NR6A1: variants seen among roughly 807,000 people sequenced by gnomAD.
NR6A1 encodes nuclear receptor subfamily 6 group A member 1.
Under a neutral mutation model 59.1 loss-of-function variants are expected in NR6A1, and 7 were observed. That is an observed-to-expected ratio of 0.12 (90% CI 0.07 to 0.22). NR6A1 has a LOEUF of 0.22. Among genes scored for constraint, NR6A1 ranks in the 10% least tolerant of loss-of-function variants. NR6A1 has a pLI of 1.00. For missense variants in NR6A1, 468 were observed against 611.6 expected (o/e 0.77, Z 2.48); for synonymous variants, 243 against 236.1 (o/e 1.03, Z -0.27).
At chr9:124,642,316 C>T (rs924813372) in intron 2 of NR6A1, among the ~76,000 whole-genome samples, 42 of 152,176 alleles carry the variant, frequency 2.8e-4, no homozygotes, top group African/African-American at 9.7e-4. Context: ...TCCCAAAGTG[C>T]TGGGATTACA....
chr9:124,739,333 G>A (rs1007012959), intron 1 of NR6A1, among the ~76,000 whole-genome samples: 26 of 152,206 alleles, frequency 1.7e-4, no homozygotes, highest in Non-Finnish European at 2.5e-4. Context: ...CAATTGTCAT[G>A]AGATTTGGTG....
rs574982502 is a variant in NR6A1, at chr9:124,651,886, A to C, written c.142+81422T>G. On this transcript the variant is annotated intron_variant, in intron 2 of 9. Coordinates refer to ENST00000487099, the MANE Select transcript of NR6A1 (RefSeq NM_033334.4). ...ACACAATTTGATCCTCTTCCCAAGTAGACATTGGCACCTGACCATTTCTGC... is the reference window on the plus strand; with the variant it reads ...ACACAATTTGATCCTCTTCCCAAGTCGACATTGGCACCTGACCATTTCTGC... Among the ~76,000 whole-genome samples the C allele has an allele frequency of 3.9e-5, 6 of 152,332 alleles. No homozygotes were observed. In the South Asian group the frequency reaches 1.2e-3, roughly 32 times the overall value.
intron 2 of NR6A1, among the ~76,000 whole-genome samples, chr9:124,637,752 T>C (rs2130893967): frequency 6.6e-6 from 1 of 151,804 alleles, no homozygotes; most frequent in Non-Finnish European, 1.5e-5. Flanking sequence ...ATTAGCCGGG[T>C]GTGTTGGCAC....
At chr9:124,643,012 C>T (rs1177788525) in intron 2 of NR6A1, among the ~76,000 whole-genome samples, 1 of 108,456 alleles carries the variant, frequency 9.2e-6, no homozygotes, top group Non-Finnish European at 1.9e-5. Flanking sequence ...AATCATTCTT[C>T]ATGTCTCTTG....
In NR6A1 at chr9:124,520,979, C is replaced by T. The variant is rs577089873; in HGVS notation, c.*1726G>A. The T allele has an allele frequency of 1.3e-5, 2 of 152,350 alleles. No individual in the cohort carries two copies. Among genetic ancestry groups the T allele is most frequent in the South Asian group, 2.1e-4 (1 of 4,832 alleles). 9.4% of individuals were successfully genotyped at this position (152,350 alleles called of 1,614,324 possible). ...ACATTTCACCAGAAAGAAACAATTA[C>T]AATCAGACATGGACTACCCAGTATG... On this transcript the variant is annotated 3_prime_UTR_variant, in exon 10 of 10. Coordinates refer to ENST00000487099, the MANE Select transcript of NR6A1 (RefSeq NM_033334.4).
intron 2 of NR6A1, among the ~76,000 whole-genome samples, chr9:124,669,315 T>G (rs1837718639): frequency 6.6e-6 from 1 of 152,228 alleles, no homozygotes; most frequent in Non-Finnish European, 1.5e-5. Context: ...TTCCCAAATA[T>G]AACAGAAAAT....
At chr9:124,756,284 T>C (rs1840628589) in intron 1 of NR6A1, among the ~76,000 whole-genome samples, 1 of 152,300 alleles carries the variant, frequency 6.6e-6, no homozygotes, top group East Asian at 1.9e-4. Context: ...CCCGCTATAG[T>C]TGAGAGAAAG....
chr9:124,678,715 C>T (rs1351587267), intron 2 of NR6A1, among the ~76,000 whole-genome samples: 1 of 152,166 alleles, frequency 6.6e-6, no homozygotes, highest in Non-Finnish European at 1.5e-5. Flanking sequence ...CAAACTCTCT[C>T]TAGTTCATTT....
At chr9:124,760,537 C>T (rs893647478) in intron 1 of NR6A1, among the ~76,000 whole-genome samples, 2 of 152,012 alleles carry the variant, frequency 1.3e-5, no homozygotes, top group Non-Finnish European at 2.9e-5. Context: ...CCTTATAACC[C>T]TACAGTCAAT....
At chr9:124,600,115 G>C (rs1319781026) in intron 2 of NR6A1, among the ~76,000 whole-genome samples, 1 of 152,204 alleles carries the variant, frequency 6.6e-6, no homozygotes, top group Non-Finnish European at 1.5e-5. Flanking sequence ...TTCTCAAGGA[G>C]AGGGACTTGT....
intron 2 of NR6A1, among the ~76,000 whole-genome samples, chr9:124,664,858 G>A (rs116578420): frequency 0.01 from 1,561 of 151,828 alleles, 26 homozygotes; most frequent in African/African-American, 0.036. Context: ...GATAACCATG[G>A]GCCAGAAGCC....
intron 2 of NR6A1, among the ~76,000 whole-genome samples, chr9:124,588,306 AC>A (rs1834993163): frequency 6.6e-6 from 1 of 151,918 alleles, no homozygotes; most frequent in African/African-American, 2.4e-5. Flanking sequence ...TCCTAAAGGA[AC>A]CTAGATCTAG....
At chr9:124,749,223 T>C (rs889538091) in intron 1 of NR6A1, among the ~76,000 whole-genome samples, 12 of 150,664 alleles carry the variant, frequency 8.0e-5, no homozygotes, top group Admixed American at 5.9e-4. Flanking sequence ...AATCGCACCA[T>C]TGCACTCCAA....
intron 2 of NR6A1, among the ~76,000 whole-genome samples, chr9:124,569,807 C>T (rs1201368618): frequency 2.6e-5 from 4 of 152,178 alleles, no homozygotes; most frequent in African/African-American, 9.7e-5. Context: ...CATACCATGT[C>T]CATTCCACCG....
At chr9:124,625,719 G>C (rs1323192383) in intron 2 of NR6A1, among the ~76,000 whole-genome samples, 1 of 151,416 alleles carries the variant, frequency 6.6e-6, no homozygotes, top group East Asian at 1.9e-4. Context: ...GGGTGTGTCT[G>C]GGGGGGGCTA....
At chr9:124,713,104 C>T (rs1028090253) in intron 2 of NR6A1, among the ~76,000 whole-genome samples, 1 of 152,000 alleles carries the variant, frequency 6.6e-6, no homozygotes, top group African/African-American at 2.4e-5. Context: ...CAGTACTAAA[C>T]CCTCATATAT....
At chr9:124,633,053 A>T (rs1836492440) in intron 2 of NR6A1, among the ~76,000 whole-genome samples, 1 of 152,250 alleles carries the variant, frequency 6.6e-6, no homozygotes, top group East Asian at 1.9e-4. Context: ...TTCAGTGCCA[A>T]TTTCTTAGGT....
At chr9:124,612,547 G>A (rs1005869089) in intron 2 of NR6A1, among the ~76,000 whole-genome samples, 7 of 152,144 alleles carry the variant, frequency 4.6e-5, no homozygotes, top group African/African-American at 1.7e-4. Context: ...AACATAAGCA[G>A]GGGGAGCTCA....
At chr9:124,672,719 T>C (rs758886077) in intron 2 of NR6A1, among the ~76,000 whole-genome samples, 2 of 152,200 alleles carry the variant, frequency 1.3e-5, no homozygotes, top group Non-Finnish European at 2.9e-5. Flanking sequence ...AATTTGAGTG[T>C]TCCATTTGTT....
Sources: allele counts gnomAD v4.1 joint callset (sites outside exome capture counted in the v4.1 genomes callset), GRCh38; gene constraint gnomAD v4.1.1; transcripts MANE v1.5; gene names NCBI Gene and HGNC (gene_info 2026-07-23, HGNC 2026-07-21).